GRIA3: variants seen among roughly 807,000 people sequenced by gnomAD.
GRIA3 encodes the protein glutamate receptor 3.
GRIA3 carries 3 observed loss-of-function variants against 63.0 expected under a neutral mutation model. That is an observed-to-expected ratio of 0.05 (90% CI 0.02 to 0.12). The LOEUF is 0.12. Ranked by LOEUF, GRIA3 falls within the 10% of genes least tolerant of loss-of-function variation. GRIA3 has a pLI of 1.00. For missense variants in GRIA3, 347 were observed against 700.9 expected, an observed-to-expected ratio of 0.50 and a Z score of 5.70; for synonymous variants, 274 against 257.9, an observed-to-expected ratio of 1.06 and a Z score of -0.60.
At position 123,417,384 on chromosome X, in the gene GRIA3, T is replaced by G. The variant is rs1029122096; in HGVS notation, c.1501-18T>G. 4.2e-6 allele frequency: 5 copies of G among 1,182,058 alleles called. No individual in the cohort carries two copies. Among genetic ancestry groups the G allele is most frequent in the Non-Finnish European group, 2.3e-6 (2 of 870,631 alleles). On this transcript the variant is annotated intron_variant, in intron 10 of 15. Transcript: ENST00000620443. ...CTCTAAAAGTCATATATGTTTTCTT[T>G]TTTTTCTTTTTTTTCAGAGAGCTGA... is the stretch of plus-strand genomic sequence containing the variant.
intron 5 of GRIA3, among the ~76,000 whole-genome samples, chrX:123,384,444 G>A (rs2045343007): frequency 9.0e-6 from 1 of 111,690 alleles, no homozygotes; most frequent in Non-Finnish European, 1.9e-5. Context: ...GGCCAACATG[G>A]TGAAACCCCG....
At chrX:123,414,413 T>C (rs901527378) in intron 10 of GRIA3, among the ~76,000 whole-genome samples, 1 of 112,328 alleles carries the variant, frequency 8.9e-6, no homozygotes, top group Non-Finnish European at 1.9e-5. Flanking sequence ...CATTTCTTTT[T>C]CTTTTTCTTT....
chrX:123,358,155 A>G (rs918813013), intron 5 of GRIA3, among the ~76,000 whole-genome samples: 3 of 111,658 alleles, frequency 2.7e-5, no homozygotes, highest in African/African-American at 9.8e-5. Flanking sequence ...GGAAGTGGAG[A>G]TAAGAAGATG....
intron 2 of GRIA3, among the ~76,000 whole-genome samples, chrX:123,219,537 C>G (rs1928241136): frequency 1.8e-5 from 2 of 112,122 alleles, no homozygotes; most frequent in Admixed American, 1.9e-4. Context: ...ATTCAGTAAA[C>G]AAGCATAAGG....
intron 3 of GRIA3, among the ~76,000 whole-genome samples, chrX:123,274,864 G>A (rs914688899): frequency 1.8e-5 from 2 of 111,641 alleles, no homozygotes; most frequent in African/African-American, 6.5e-5. Flanking sequence ...CACAACACCA[G>A]AATTAAAATT....
At chrX:123,451,438 G>A (rs893125994) in intron 12 of GRIA3, among the ~76,000 whole-genome samples, 7 of 85,558 alleles carry the variant, frequency 8.2e-5, no homozygotes, top group African/African-American at 2.7e-4. Flanking sequence ...CTAGGAATTC[G>A]AAGCTGCAGT....
rs756076657 is a variant in GRIA3, at chrX:123,232,279, G to A, written c.269-21024G>A. 5.4e-5 allele frequency among the ~76,000 whole-genome samples: 6 copies of A among 111,587 alleles called. No individual in the cohort carries two copies. The South Asian group carries it at 1.9e-3, about 35-fold the overall frequency. The stretch of plus-strand genomic sequence containing the variant: ...ATGTAGCAGTTGCTAACTCCACAAG[G>A]GGTTTGGAGTCCTGCATCCCAAATG... On this transcript the variant is annotated intron_variant, in intron 2 of 15. Transcript: ENST00000620443.
At chrX:123,285,347 G>A (rs892950569) in intron 3 of GRIA3, among the ~76,000 whole-genome samples, 5 of 109,664 alleles carry the variant, frequency 4.6e-5, no homozygotes, top group Non-Finnish European at 7.6e-5. Context: ...ACCAACCAAT[G>A]GGCAAAATAA....
intron 5 of GRIA3, among the ~76,000 whole-genome samples, chrX:123,369,142 A>G (rs1375786169): frequency 1.8e-5 from 2 of 111,748 alleles, no homozygotes; most frequent in Non-Finnish European, 3.8e-5. Context: ...TGATACTCAG[A>G]TCTGTTGATT....
intron 5 of GRIA3, among the ~76,000 whole-genome samples, chrX:123,391,463 T>G (rs781237487): frequency 1.5e-4 from 17 of 111,611 alleles, no homozygotes; most frequent in Admixed American, 1.0e-3. Context: ...GGTGCAGTTG[T>G]TGGTGGAGGC....
chrX:123,294,663 C>T (rs754230574), intron 3 of GRIA3, among the ~76,000 whole-genome samples: 40 of 110,855 alleles, frequency 3.6e-4, no homozygotes, highest in Non-Finnish European at 4.4e-4. Flanking sequence ...TCTGTGGGTA[C>T]GGCTGGGAAT....
intron 13 of GRIA3, chrX:123,465,914 C>G: frequency 3.4e-6 from 2 of 581,138 alleles, no homozygotes; most frequent in Non-Finnish European, 5.9e-6. Context: ...TATTCCCCTG[C>G]CTGGCAGCTT....
chrX:123,409,791 G>A (rs145442168), intron 10 of GRIA3, among the ~76,000 whole-genome samples: 28 of 111,594 alleles, frequency 2.5e-4, no homozygotes, highest in African/African-American at 9.1e-4. Context: ...CTGCCCCTCA[G>A]GTAATCAGGA....
intron 13 of GRIA3, among the ~76,000 whole-genome samples, chrX:123,477,091 G>A (rs1345181901): frequency 9.0e-6 from 1 of 111,609 alleles, no homozygotes; most frequent in Non-Finnish European, 1.9e-5. Flanking sequence ...CTGAGCCTGG[G>A]TTTTGGCAAG....
chrX:123,266,575 C>G (rs2044490066), intron 3 of GRIA3, among the ~76,000 whole-genome samples: 1 of 111,130 alleles, frequency 9.0e-6, no homozygotes, highest in African/African-American at 3.3e-5. Context: ...GATGTTACCC[C>G]CTCCACCACT....
chrX:123,321,107 C>T (rs1322930733), intron 3 of GRIA3, among the ~76,000 whole-genome samples: 1 of 112,044 alleles, frequency 8.9e-6, no homozygotes, highest in Non-Finnish European at 1.9e-5. Context: ...CAGGAGTTTT[C>T]ATGGGCCACT....
intron 3 of GRIA3, among the ~76,000 whole-genome samples, chrX:123,269,125 T>C (rs2044505482): frequency 8.9e-6 from 1 of 111,953 alleles, no homozygotes; most frequent in Non-Finnish European, 1.9e-5. Context: ...CAGTTCTATC[T>C]ACTTCTCACA....
intron 4 of GRIA3, among the ~76,000 whole-genome samples, chrX:123,354,601 A>G (rs1033385555): frequency 9.0e-6 from 1 of 111,559 alleles, no homozygotes; most frequent in Non-Finnish European, 1.9e-5. Flanking sequence ...AAGTACAGAA[A>G]TCGAGTTCAT....
At chrX:123,224,780 T>G (rs1206657777) in intron 2 of GRIA3, among the ~76,000 whole-genome samples, 3 of 111,927 alleles carry the variant, frequency 2.7e-5, no homozygotes, top group African/African-American at 9.7e-5. Flanking sequence ...ATATTTAAAT[T>G]TTAAATCATT....
Sources: gnomAD v4.1 joint callset for allele counts (sites outside exome capture counted in the v4.1 genomes callset) on GRCh38, gnomAD v4.1.1 for gene constraint, MANE v1.5 for transcripts, NCBI Gene and HGNC (gene_info 2026-07-23, HGNC 2026-07-21) for gene names.